ZNF804B: variants seen among roughly 807,000 people sequenced by gnomAD.
ZNF804B encodes zinc finger 804B.
Under a neutral mutation model 101.4 loss-of-function variants are expected in ZNF804B, and 80 were observed. That is an observed-to-expected ratio of 0.79 (90% CI 0.66 to 0.95). The LOEUF (loss-of-function observed/expected upper bound fraction) is 0.95. ZNF804B is among the 40% of genes least tolerant of loss of function. The pLI is 0.00. For missense variants in ZNF804B, 1,673 were observed against 1,561.9 expected (o/e 1.07, Z -1.20); for synonymous variants, 622 against 558.8 (o/e 1.11, Z -1.59).
At chr7:89,107,862 C>T (rs1257112823) in intron 1 of ZNF804B, among the ~76,000 whole-genome samples, 1 of 152,108 alleles carries the variant, frequency 6.6e-6, no homozygotes, top group Non-Finnish European at 1.5e-5. Context: ...CTCTGAATTT[C>T]CTTTGGGTTC....
At chr7:89,127,620 G>C (rs935934288) in intron 1 of ZNF804B, among the ~76,000 whole-genome samples, 4 of 151,672 alleles carry the variant, frequency 2.6e-5, no homozygotes, top group African/African-American at 7.3e-5. Flanking sequence ...AAATGTAAGC[G>C]CAGATAACAT....
intron 1 of ZNF804B, among the ~76,000 whole-genome samples, chr7:88,833,054 G>C (rs976791637): frequency 1.3e-5 from 2 of 151,464 alleles, no homozygotes; most frequent in South Asian, 2.1e-4. Flanking sequence ...TTTATTGAAT[G>C]CTTTTATTTT....
At chr7:88,821,403 G>C (rs1042333232) in intron 1 of ZNF804B, among the ~76,000 whole-genome samples, 1 of 152,098 alleles carries the variant, frequency 6.6e-6, no homozygotes, top group Non-Finnish European at 1.5e-5. Context: ...TTTTCTGTGT[G>C]TTGCCAATAA....
At chr7:89,153,435 A>G (rs62461914) in intron 1 of ZNF804B, among the ~76,000 whole-genome samples, 26,273 of 116,250 alleles carry the variant, frequency 0.23, 2,519 homozygotes, top group African/African-American at 0.27. Flanking sequence ...TGATGATAAT[A>G]ATAATAATAA....
intron 1 of ZNF804B, among the ~76,000 whole-genome samples, chr7:88,822,933 G>A (rs997458532): frequency 3.9e-5 from 6 of 152,166 alleles, no homozygotes; most frequent in Admixed American, 6.6e-5. Context: ...TAAATAGGCC[G>A]GACACAGTTG....
chr7:89,149,094 A>G (rs563632970), intron 1 of ZNF804B, among the ~76,000 whole-genome samples: 1 of 152,160 alleles, frequency 6.6e-6, no homozygotes, highest in African/African-American at 2.4e-5. Flanking sequence ...CTGAAACTGA[A>G]ATAGTCTCCA....
intron 1 of ZNF804B, among the ~76,000 whole-genome samples, chr7:89,092,836 A>G (rs148591736): frequency 2.9e-3 from 447 of 152,222 alleles, no homozygotes; most frequent in Middle Eastern, 0.01. Flanking sequence ...AGTTCATCTT[A>G]TACATTTTTA....
intron 1 of ZNF804B, among the ~76,000 whole-genome samples, chr7:89,083,538 T>C (rs1161148284): frequency 8.4e-6 from 1 of 118,754 alleles, no homozygotes; most frequent in Non-Finnish European, 2.0e-5. Context: ...TAATATATAT[T>C]CAGAAACACA....
intron 1 of ZNF804B, among the ~76,000 whole-genome samples, chr7:88,868,630 C>T (rs1281921080): frequency 1.3e-5 from 2 of 152,180 alleles, no homozygotes. Context: ...AATTGGCTTG[C>T]TGCCTTTATT....
At chr7:89,245,316 G>A (rs1485433767) in intron 2 of ZNF804B, among the ~76,000 whole-genome samples, 1 of 152,092 alleles carries the variant, frequency 6.6e-6, no homozygotes, top group African/African-American at 2.4e-5. Context: ...ATAATAAGCT[G>A]TGGCCTAAAA....
chr7:89,115,669 C>G (rs1482310073), intron 1 of ZNF804B, among the ~76,000 whole-genome samples: 1 of 152,132 alleles, frequency 6.6e-6, no homozygotes, highest in East Asian at 1.9e-4. Context: ...TATACTTCAC[C>G]TTGAAAACTG....
At chr7:88,772,266 G>A (rs1392193951) in intron 1 of ZNF804B, among the ~76,000 whole-genome samples, 1 of 152,104 alleles carries the variant, frequency 6.6e-6, no homozygotes, top group East Asian at 1.9e-4. Context: ...AAGAAGATTT[G>A]TGAAATTGTG....
chr7:89,279,627 T>C (rs1430720678), intron 2 of ZNF804B, among the ~76,000 whole-genome samples: 22 of 152,210 alleles, frequency 1.4e-4, no homozygotes, highest in Non-Finnish European at 1.5e-4. Flanking sequence ...TTTTTGTCAT[T>C]GGTTCTGTTT....
chr7:89,285,420 G>T (rs1790169726), intron 2 of ZNF804B, among the ~76,000 whole-genome samples: 1 of 150,396 alleles, frequency 6.6e-6, no homozygotes, highest in Non-Finnish European at 1.5e-5. Flanking sequence ...CTACTTGGGA[G>T]GCTGAGGCAG....
At chr7:88,976,820 A>G (rs1562849098) in intron 1 of ZNF804B, among the ~76,000 whole-genome samples, 1 of 151,736 alleles carries the variant, frequency 6.6e-6, no homozygotes, top group East Asian at 1.9e-4. Context: ...TTCATATATT[A>G]GAGGAAAAGC....
chr7:89,175,986 A>G (rs1489833424), intron 1 of ZNF804B, among the ~76,000 whole-genome samples: 1 of 152,040 alleles, frequency 6.6e-6, no homozygotes, highest in Non-Finnish European at 1.5e-5. Context: ...TCCCAAATAT[A>G]AGATCATATC....
At chr7:89,036,517 G>T (rs1300197476) in intron 1 of ZNF804B, among the ~76,000 whole-genome samples, 1 of 151,906 alleles carries the variant, frequency 6.6e-6, no homozygotes, top group Non-Finnish European at 1.5e-5. Flanking sequence ...AGGGTAAAAC[G>T]GAAATTAGTT....
intron 1 of ZNF804B, among the ~76,000 whole-genome samples, chr7:88,914,124 C>G (rs189258895): frequency 5.1e-4 from 77 of 152,262 alleles, no homozygotes; most frequent in Non-Finnish European, 8.7e-4. Flanking sequence ...TTATCTATCC[C>G]TTTGCAAATT....
intron 1 of ZNF804B, among the ~76,000 whole-genome samples, chr7:89,210,769 A>G (rs548589077): frequency 2.6e-5 from 4 of 152,248 alleles, no homozygotes; most frequent in African/African-American, 9.6e-5. Flanking sequence ...AGTTGATTCC[A>G]TGTCTTTGCG....
Sources: gnomAD v4.1 joint callset for allele counts (sites outside exome capture counted in the v4.1 genomes callset) on GRCh38, gnomAD v4.1.1 for gene constraint, MANE v1.5 for transcripts, NCBI Gene and HGNC (gene_info 2026-07-23, HGNC 2026-07-21) for gene names.